Variants in TACR1 observed in about 807,000 individuals in gnomAD.
TACR1 encodes substance-P receptor.
TACR1 carries 25 observed loss-of-function variants against 35.8 expected under a neutral mutation model. That is an observed-to-expected ratio of 0.70 (90% CI 0.51 to 0.98). The LOEUF is 0.98. Ranked by LOEUF, TACR1 falls within the 50% of genes least tolerant of loss-of-function variation. The pLI is 0.00. For synonymous variants in TACR1, 195 were observed against 206.7 expected, an observed-to-expected ratio of 0.94 and a Z score of 0.48; for missense variants, 478 against 522.9, an observed-to-expected ratio of 0.91 and a Z score of 0.84.
At chr2:75,181,275 T>TTCATATTTTTA (rs1177731373) in intron 1 of TACR1, among the ~76,000 whole-genome samples, 1 of 152,106 alleles carries the variant, frequency 6.6e-6, no homozygotes, top group African/African-American at 2.4e-5. Context: ...AATTTAAAAA[T>TTCATATTTTTA]TGAGGGATCA....
At chr2:75,139,562 G>C (rs1033315539) in intron 1 of TACR1, among the ~76,000 whole-genome samples, 1 of 152,194 alleles carries the variant, frequency 6.6e-6, no homozygotes, top group South Asian at 2.1e-4. Context: ...GTGGACAGTG[G>C]CATCTTTCTA....
intron 1 of TACR1, chr2:75,154,503 C>CACACACACACAG (rs1674786259): frequency 7.5e-6 from 1 of 134,050 alleles, no homozygotes; most frequent in African/African-American, 3.0e-5. Context: ...CACACACACA[C>CACACACACACAG]ACACACACAC....
In TACR1 at chr2:75,168,104, A is replaced by G. The variant is rs187863039; in HGVS notation, c.389+30442T>C. Among the ~76,000 whole-genome samples the G allele has an allele frequency of 2.7e-4, 41 of 152,334 alleles. No homozygotes were observed. In the East Asian group the frequency reaches 7.7e-3, roughly 29 times the overall value. Reference sequence around the variant, plus strand: ...CAATTTTAGAAGTTTGCCCTGTGGAAATACTCAGTTTTCACAGACTATGTA... The same window carrying G: ...CAATTTTAGAAGTTTGCCCTGTGGAGATACTCAGTTTTCACAGACTATGTA... On this transcript the variant is annotated intron_variant, in intron 1 of 4. Transcript: ENST00000305249.
In TACR1 at chr2:75,053,638, G is replaced by A; in HGVS notation, c.702C>T (p.Asp234=). The change falls in exon 3 of 5, where the codon GAC becomes GAT. Residue 234 remains aspartate (D), a synonymous_variant. Transcript: ENST00000305249. The part of the protein sequence containing the change: ...WASEIPGDSS[D]RYHEQVSAKR... ...TGGCAGAGACTTGCTCGTGGTAGCG[G>A]TCAGAGGAGTCCCCGGGGATCTCAC... 6.3e-7 allele frequency: 1 copy of A among 1,592,436 alleles called. No individual in the cohort carries two copies. The highest frequency in any genetic ancestry group is 8.6e-7 in the Non-Finnish European group (1 of 1,169,162).
rs1029251395 is a variant in TACR1 at position 75,199,338 on chromosome 2, C to G, written c.-404G>C. On this transcript the variant is annotated 5_prime_UTR_variant, in exon 1 of 5. Transcript: ENST00000305249. ...CTTCCTCCGCAGGGAAAGGCAAAGC[C>G]CTGTGCTGCGTGAGGACTTAGGAGC... 1 of 196,968 alleles carries G rather than the reference C, an allele frequency of 5.1e-6. No homozygotes were observed. The highest frequency in any genetic ancestry group is 2.3e-5 in the African/African-American group (1 of 43,934). The allele number at this position is 196,968 out of a possible 1,614,324, so 12.2% of individuals were successfully genotyped here.
intron 1 of TACR1, among the ~76,000 whole-genome samples, chr2:75,174,561 C>A (rs1470740840): frequency 6.6e-6 from 1 of 152,120 alleles, no homozygotes; most frequent in Non-Finnish European, 1.5e-5. Flanking sequence ...TAAAATTTTC[C>A]ATTTAATATT....
chr2:75,139,896 C>T (rs893294816), intron 1 of TACR1, among the ~76,000 whole-genome samples: 6 of 152,180 alleles, frequency 3.9e-5, no homozygotes, highest in African/African-American at 1.4e-4. Flanking sequence ...CAGCCCTGGT[C>T]AGCCTCTTTA....
At chr2:75,184,527 GAA>G (rs1675640247) in intron 1 of TACR1, among the ~76,000 whole-genome samples, 1 of 150,854 alleles carries the variant, frequency 6.6e-6, no homozygotes, top group East Asian at 1.9e-4. Context: ...GAAAACCTGA[GAA>G]AAAAAACCAG....
chr2:75,063,911 G>T (rs1458292615), intron 2 of TACR1, among the ~76,000 whole-genome samples: 1 of 152,122 alleles, frequency 6.6e-6, no homozygotes, highest in Non-Finnish European at 1.5e-5. Context: ...TTACGAAGAA[G>T]GTTAGAGAAT....
At chr2:75,103,385 G>A (rs913104264) in intron 2 of TACR1, among the ~76,000 whole-genome samples, 2 of 152,038 alleles carry the variant, frequency 1.3e-5, no homozygotes, top group Non-Finnish European at 2.9e-5. Flanking sequence ...TCGAATCCCT[G>A]TAAGTATGGA....
intron 1 of TACR1, among the ~76,000 whole-genome samples, chr2:75,155,706 T>A (rs955548979): frequency 4.6e-5 from 7 of 152,196 alleles, no homozygotes; most frequent in African/African-American, 1.7e-4. Flanking sequence ...CATATCCACA[T>A]AACAAGAGAG....
rs1672377102 is a variant in TACR1, at chr2:75,046,798, A to T, written c.*2634T>A. 6.6e-6 allele frequency: 1 copy of T among 152,246 alleles called. No homozygotes were observed. 9.4% of individuals were successfully genotyped at this position (152,246 alleles called of 1,614,324 possible). ...GAAAGCATGAGGAGGAAGAGGAGGA[A>T]GAGATTCACACAATACAAATATCAC... On this transcript the variant is annotated 3_prime_UTR_variant, in exon 5 of 5. Transcript: ENST00000305249.
chr2:75,186,371 C>CAAA (rs373147504), intron 1 of TACR1, among the ~76,000 whole-genome samples: 13,716 of 81,404 alleles, frequency 0.17, 1,185 homozygotes, highest in Admixed American at 0.22. Context: ...GACTCTGTCT[C>CAAA]AAAAAAAAAA....
At chr2:75,111,811 C>T (rs1673754310) in intron 2 of TACR1, among the ~76,000 whole-genome samples, 1 of 151,666 alleles carries the variant, frequency 6.6e-6, no homozygotes, top group African/African-American at 2.4e-5. Context: ...CATTAGAAAC[C>T]AAGAATGGTG....
chr2:75,183,171 C>G (rs1177750419), intron 1 of TACR1, among the ~76,000 whole-genome samples: 3 of 152,132 alleles, frequency 2.0e-5, no homozygotes, highest in Non-Finnish European at 4.4e-5. Context: ...ATGTGCCAAA[C>G]TTGACTTGTA....
Position 75,057,169 on chromosome 2 carries a change from G to A in TACR1, c.585-3414C>T, listed in dbSNP as rs563312085. Among the ~76,000 whole-genome samples, 279 of 152,310 alleles carry A rather than the reference G, an allele frequency of 1.8e-3. 1 individual carries two copies. Among genetic ancestry groups the A allele is most frequent in the Non-Finnish European group, 2.1e-3 (146 of 68,032 alleles). ...CTGAAGTAACTGAAGAATCACAAAAGAAGTGAAAATGGTCTGTTCCTGCCT... is the reference window on the plus strand; with the variant it reads ...CTGAAGTAACTGAAGAATCACAAAAAAAGTGAAAATGGTCTGTTCCTGCCT... On this transcript the variant is annotated intron_variant, in intron 2 of 4. Coordinates refer to ENST00000305249, the MANE Select transcript of TACR1 (RefSeq NM_001058.4).
chr2:75,116,937 A>G lies in TACR1; in HGVS notation c.584+3637T>C, dbSNP rs144061513. 1.2e-3 allele frequency among the ~76,000 whole-genome samples: 190 copies of G among 152,294 alleles called. No individual in the cohort carries two copies. The Middle Eastern group carries it at 0.024, about 19-fold the overall frequency. ...AAAAAAAAAAAGTATTTTCCAATGT[A>G]ATTATCAATTTATACTTCTTCTAGC... On this transcript the variant is annotated intron_variant, in intron 2 of 4. Coordinates refer to ENST00000305249, the MANE Select transcript of TACR1 (RefSeq NM_001058.4).
chr2:75,046,474 A>T lies in TACR1; in HGVS notation c.*2958T>A, dbSNP rs1054575061. 6.6e-6 allele frequency: 1 copy of T among 152,208 alleles called. No individual in the cohort carries two copies. Among genetic ancestry groups the T allele is most frequent in the Non-Finnish European group, 1.5e-5 (1 of 68,040 alleles). The allele number at this position is 152,208 out of a possible 1,614,324, so 9.4% of individuals were successfully genotyped here. On this transcript the variant is annotated 3_prime_UTR_variant, in exon 5 of 5. Transcript: ENST00000305249. The stretch of plus-strand genomic sequence containing the variant: ...ACAGAGGCACGAGAGAGTGAAACAC[A>T]TACTTTATTTCTGTATAAAGATTCT...
rs549759720 is a variant in TACR1, at chr2:75,092,830, C to A, written c.584+27744G>T. 1.4e-3 allele frequency among the ~76,000 whole-genome samples: 209 copies of A among 152,288 alleles called. 1 individual carries two copies. Among genetic ancestry groups the A allele is most frequent in the African/African-American group, 5.0e-3 (208 of 41,566 alleles). On this transcript the variant is annotated intron_variant, in intron 2 of 4. Coordinates refer to ENST00000305249, the MANE Select transcript of TACR1 (RefSeq NM_001058.4). The stretch of plus-strand genomic sequence containing the variant: ...CAGAACCCTACTTTCTGGGCAGATA[C>A]ATGGGATCCTCTATAATCTGGTTCA...
Sources: gnomAD v4.1 joint callset for allele counts (sites outside exome capture counted in the v4.1 genomes callset) on GRCh38, gnomAD v4.1.1 for gene constraint, MANE v1.5 for transcripts, NCBI Gene and HGNC (gene_info 2026-07-23, HGNC 2026-07-21) for gene names.